Variants in CALN1 observed in about 807,000 individuals in gnomAD.
The protein encoded by CALN1 is calcium-binding protein 8.
CALN1 carries 17 observed loss-of-function variants against 30.6 expected under a neutral mutation model. The ratio of observed to expected loss-of-function variants is 0.56; its 90% confidence interval spans 0.38 to 0.83. The LOEUF is 0.83. CALN1 is among the 40% of genes least tolerant of loss of function. CALN1 has a pLI of 0.00. For missense variants in CALN1, 291 were observed against 354.9 expected (o/e 0.82, Z 1.45); for synonymous variants, 156 against 131.4 (o/e 1.19, Z -1.28).
the CALN1 span, among the ~76,000 whole-genome samples, chr7:72,454,453 G>A: frequency 2.0e-5 from 3 of 152,130 alleles, no homozygotes; most frequent in East Asian, 1.9e-4. Context: ...AAAACAGGAA[G>A]ATCAATAAAG....
At chr7:72,335,586 C>CT (rs1801965595) in intron 2 of CALN1, among the ~76,000 whole-genome samples, 1 of 152,170 alleles carries the variant, frequency 6.6e-6, no homozygotes, top group Non-Finnish European at 1.5e-5. Context: ...AAAAAGTCTC[C>CT]TTTTTTGCAG....
chr7:71,894,536 GGT>G (rs975079021), intron 5 of CALN1, among the ~76,000 whole-genome samples: 7 of 152,026 alleles, frequency 4.6e-5, no homozygotes, highest in African/African-American at 7.2e-5. Flanking sequence ...CTCCCAGAGT[GGT>G]GGGATTACAG....
intron 4 of CALN1, among the ~76,000 whole-genome samples, chr7:72,039,577 C>G (rs193016520): frequency 4.5e-4 from 68 of 152,336 alleles, no homozygotes; most frequent in Middle Eastern, 6.8e-3. Context: ...TTGACCCAGT[C>G]TAGTAAACCT....
intron 2 of CALN1, among the ~76,000 whole-genome samples, chr7:72,386,740 A>T (rs1805230418): frequency 6.6e-6 from 1 of 152,090 alleles, no homozygotes; most frequent in African/African-American, 2.4e-5. Context: ...GGCTCAAGAG[A>T]TCCTCCTACC....
chr7:71,897,065 C>G (rs1179713044), intron 5 of CALN1, among the ~76,000 whole-genome samples: 1 of 152,048 alleles, frequency 6.6e-6, no homozygotes, highest in Admixed American at 6.5e-5. Context: ...AAAAACAAAG[C>G]AAAACAAAAA....
chr7:72,237,408 G>A (rs1794541235), intron 3 of CALN1, among the ~76,000 whole-genome samples: 1 of 152,132 alleles, frequency 6.6e-6, no homozygotes, highest in South Asian at 2.1e-4. Flanking sequence ...AAATTGGGAG[G>A]TCCTTATTCC....
Position 72,326,491 on chromosome 7 carries a change from T to G in CALN1, c.120-47681A>C, listed in dbSNP as rs185933083. On this transcript the variant is annotated intron_variant, in intron 2 of 6. Coordinates refer to ENST00000395275, the MANE Select transcript of CALN1 (RefSeq NM_031468.4). ...TGTGTTTATGTGTATGCATATAAAA[T>G]GAATCATCAGCCACAGATCAGATTA... Among the ~76,000 whole-genome samples the G allele has an allele frequency of 1.6e-4, 24 of 152,340 alleles. No homozygotes were observed. In the East Asian group the frequency reaches 4.4e-3, roughly 28 times the overall value.
chr7:72,179,675 A>G (rs1789617397), intron 3 of CALN1, among the ~76,000 whole-genome samples: 1 of 152,208 alleles, frequency 6.6e-6, no homozygotes, highest in African/African-American at 2.4e-5. Flanking sequence ...ATGAATCGCC[A>G]TATAACCATA....
intron 3 of CALN1, among the ~76,000 whole-genome samples, chr7:72,156,839 AC>A (rs1333051646): frequency 1.3e-5 from 2 of 152,198 alleles, no homozygotes; most frequent in Non-Finnish European, 2.9e-5. Context: ...GCTGAATATC[AC>A]AACCCCACCT....
intron 3 of CALN1, among the ~76,000 whole-genome samples, chr7:72,177,489 G>A (rs1394019655): frequency 6.6e-6 from 1 of 152,024 alleles, no homozygotes. Context: ...TTTGGGCGGG[G>A]CAATGTGGTT....
intron 2 of CALN1, among the ~76,000 whole-genome samples, chr7:72,321,589 C>T (rs1800885426): frequency 6.6e-6 from 1 of 152,174 alleles, no homozygotes; most frequent in South Asian, 2.1e-4. Flanking sequence ...GAACATCTGT[C>T]AAGGTGTCAA....
intron 1 of CALN1, among the ~76,000 whole-genome samples, chr7:72,445,922 G>GACTTGAAC (rs1473667175): frequency 6.6e-6 from 1 of 152,150 alleles, no homozygotes; most frequent in African/African-American, 2.4e-5. Context: ...TCCCCCTCAA[G>GACTTGAAC]ACTTGAACGG....
At chr7:72,289,936 G>A (rs1798359464) in intron 2 of CALN1, among the ~76,000 whole-genome samples, 1 of 151,500 alleles carries the variant, frequency 6.6e-6, no homozygotes, top group Non-Finnish European at 1.5e-5. Context: ...CAATTAGCCG[G>A]GCATAGTGGT....
chr7:72,336,718 G>A (rs1380800555), intron 2 of CALN1: 2 of 985,430 alleles, frequency 2.0e-6, no homozygotes, highest in South Asian at 4.7e-5. Context: ...TGCTGGGCCG[G>A]GGCTCCGCAG....
intron 3 of CALN1, among the ~76,000 whole-genome samples, chr7:72,108,582 T>G (rs1056730217): frequency 1.3e-5 from 2 of 152,250 alleles, no homozygotes; most frequent in Non-Finnish European, 2.9e-5. Context: ...CAAATTTCTA[T>G]GTTATCTACT....
At chr7:71,864,449 C>T (rs920065414) in intron 5 of CALN1, among the ~76,000 whole-genome samples, 5 of 152,056 alleles carry the variant, frequency 3.3e-5, no homozygotes, top group Admixed American at 6.5e-5. Context: ...GTTCCTGGCC[C>T]AAAGCTAGTA....
chr7:71,870,948 G>A (rs553217055), intron 5 of CALN1, among the ~76,000 whole-genome samples: 2 of 152,224 alleles, frequency 1.3e-5, no homozygotes, highest in South Asian at 4.1e-4. Context: ...ATAGGCAAGG[G>A]ACGTGTTTTC....
chr7:72,237,238 C>A (rs1794531235), intron 3 of CALN1, among the ~76,000 whole-genome samples: 1 of 152,170 alleles, frequency 6.6e-6, no homozygotes, highest in African/African-American at 2.4e-5. Flanking sequence ...CCCGGCTCAG[C>A]CTCCCAAAGT....
chr7:72,404,379 T>C (rs746055119), intron 1 of CALN1, among the ~76,000 whole-genome samples: 4 of 152,202 alleles, frequency 2.6e-5, no homozygotes, highest in Non-Finnish European at 5.9e-5. Context: ...AGTTAATCAA[T>C]GTCAGTTCTC....
Sources: gnomAD v4.1 joint callset for allele counts (sites outside exome capture counted in the v4.1 genomes callset) on GRCh38, gnomAD v4.1.1 for gene constraint, MANE v1.5 for transcripts, NCBI Gene and HGNC (gene_info 2026-07-23, HGNC 2026-07-21) for gene names.